The following SDHAF3 variants were observed in gnomAD, a reference collection of about 807,000 sequenced individuals.
The protein encoded by SDHAF3 is succinate dehydrogenase assembly factor 3, mitochondrial.
A neutral mutation model predicts 11.5 loss-of-function variants in SDHAF3; 18 were observed. That is an observed-to-expected ratio of 1.56 (90% CI 1.08 to 2.32). The LOEUF (loss-of-function observed/expected upper bound fraction) is 2.32. SDHAF3 is among the 30% of genes most tolerant of loss of function. SDHAF3 has a pLI of 0.00. For missense variants in SDHAF3, 200 were observed against 154.4 expected, an observed-to-expected ratio of 1.30 and a Z score of -1.57; for synonymous variants, 72 against 59.3, an observed-to-expected ratio of 1.21 and a Z score of -0.99.
At chr7:97,138,896 C>A (rs1481424553) in intron 1 of SDHAF3, among the ~76,000 whole-genome samples, 1 of 152,210 alleles carries the variant, frequency 6.6e-6, no homozygotes, top group Non-Finnish European at 1.5e-5. Flanking sequence ...GGCGCCTACC[C>A]ACTAGGTCCA....
intron 1 of SDHAF3, among the ~76,000 whole-genome samples, chr7:97,169,444 A>C (rs1479083313): frequency 1.3e-5 from 2 of 152,180 alleles, no homozygotes; most frequent in Non-Finnish European, 2.9e-5. Flanking sequence ...AACTCACTTG[A>C]TGTTATAATA....
intron 1 of SDHAF3, among the ~76,000 whole-genome samples, chr7:97,140,539 A>G (rs1789017567): frequency 6.6e-6 from 1 of 152,100 alleles, no homozygotes. Context: ...AAGCCATATC[A>G]GAAGAACATA....
chr7:97,140,343 ATT>A (rs67929691), intron 1 of SDHAF3, among the ~76,000 whole-genome samples: 4 of 112,446 alleles, frequency 3.6e-5, no homozygotes, highest in African/African-American at 6.9e-5. Context: ...TTTTGGTAGT[ATT>A]TTTTTTTTTT....
chr7:97,140,027 C>T (rs62499466), intron 1 of SDHAF3, among the ~76,000 whole-genome samples: 21,703 of 152,124 alleles, frequency 0.14, 1,813 homozygotes, highest in South Asian at 0.18. Context: ...CTCTCTTTAA[C>T]GTGACATTAA....
chr7:97,128,121 C>T (rs1215087450), intron 1 of SDHAF3, among the ~76,000 whole-genome samples: 1 of 151,984 alleles, frequency 6.6e-6, no homozygotes, highest in Non-Finnish European at 1.5e-5. Context: ...TGGTCTCAAA[C>T]TCCTGACACC....
intron 1 of SDHAF3, among the ~76,000 whole-genome samples, chr7:97,137,342 C>A (rs933139371): frequency 2.0e-5 from 3 of 152,096 alleles, no homozygotes; most frequent in Admixed American, 6.6e-5. Flanking sequence ...ATAAATCAGG[C>A]CAGCTATATT....
intron 1 of SDHAF3, among the ~76,000 whole-genome samples, chr7:97,120,934 C>T (rs1443829828): frequency 1.3e-5 from 2 of 152,092 alleles, no homozygotes; most frequent in African/African-American, 2.4e-5. Flanking sequence ...AGTTTTTGTT[C>T]AGGGACCAAG....
chr7:97,132,549 G>T (rs1443443961), intron 1 of SDHAF3, among the ~76,000 whole-genome samples: 1 of 152,058 alleles, frequency 6.6e-6, no homozygotes, highest in East Asian at 1.9e-4. Flanking sequence ...ATTTCTTACA[G>T]ATCATACTTA....
At position 97,117,810 on chromosome 7, in the gene SDHAF3, C is replaced by T; in HGVS notation, c.87C>T (p.Ser29=). 2.5e-6 allele frequency: 4 copies of T among 1,614,244 alleles called. No homozygotes were observed. Among genetic ancestry groups the T allele is most frequent in the Non-Finnish European group, 3.4e-6 (4 of 1,180,036 alleles). Reference sequence around the variant, plus strand: ...GTGTTCTGCCCCCGGACCTCAAATCCCTGGGCGACCAGTACGTGAAAGACG... The same window carrying T: ...GTGTTCTGCCCCCGGACCTCAAATCTCTGGGCGACCAGTACGTGAAAGACG... The part of the protein sequence containing the change: ...LHRVLPPDLK[S]LGDQYVKDEF... Residue 29 remains serine, a synonymous_variant, in exon 1 of 2, where the codon TCC becomes TCT. Coordinates refer to ENST00000432641, the MANE Select transcript of SDHAF3 (RefSeq NM_020186.3).
intron 1 of SDHAF3, among the ~76,000 whole-genome samples, chr7:97,140,421 C>T (rs1040895965): frequency 6.9e-6 from 1 of 145,374 alleles, no homozygotes; most frequent in Non-Finnish European, 1.5e-5. Flanking sequence ...TCTTGGCTCA[C>T]TGCAAGCTCC....
At chr7:97,120,640 G>A (rs868794892) in intron 1 of SDHAF3, among the ~76,000 whole-genome samples, 4 of 151,946 alleles carry the variant, frequency 2.6e-5, no homozygotes, top group Non-Finnish European at 5.9e-5. Flanking sequence ...TAATGGTTAC[G>A]TTTACATCAA....
intron 1 of SDHAF3, among the ~76,000 whole-genome samples, chr7:97,159,199 G>T (rs1414607187): frequency 2.0e-5 from 3 of 152,156 alleles, no homozygotes; most frequent in African/African-American, 4.8e-5. Flanking sequence ...TGTATGTCTT[G>T]TTCTTAAAAC....
chr7:97,151,152 T>G (rs1037312133), intron 1 of SDHAF3, among the ~76,000 whole-genome samples: 1 of 152,092 alleles, frequency 6.6e-6, no homozygotes, highest in Non-Finnish European at 1.5e-5. Flanking sequence ...ACGGGAACTT[T>G]TACTGCACAC....
chr7:97,172,679 TTAAA>T (rs1268719063), intron 1 of SDHAF3, among the ~76,000 whole-genome samples: 1 of 152,238 alleles, frequency 6.6e-6, no homozygotes, highest in Non-Finnish European at 1.5e-5. Context: ...AAGTGAATTA[TTAAA>T]TAAAGGTTCA....
chr7:97,179,843 GA>G (rs1210143926), intron 1 of SDHAF3, among the ~76,000 whole-genome samples: 6 of 152,102 alleles, frequency 3.9e-5, no homozygotes, highest in South Asian at 2.1e-4. Context: ...GTAAATCATG[GA>G]AAAAATATTT....
In SDHAF3 at chr7:97,163,168, C is replaced by CTTTTTTTTTTTTTTTTTT. The variant is rs58956333; in HGVS notation, c.175-17842_175-17825dup. ...TTTTGACCTTTGTTGGTTTAAAGTC[C>CTTTTTTTTTTTTTTTTTT]TTTTTTTTTTTTTTTTTTTAATTTT... On this transcript the variant is annotated intron_variant, in intron 1 of 1. Coordinates refer to ENST00000432641, the MANE Select transcript of SDHAF3 (RefSeq NM_020186.3). 5.6e-5 allele frequency among the ~76,000 whole-genome samples: 7 copies of CTTTTTTTTTTTTTTTTTT among 125,030 alleles called. 1 individual carries two copies. The highest frequency in any genetic ancestry group is 2.6e-4 in the South Asian group (1 of 3,920). 82.0% of individuals were successfully genotyped at this position (125,030 alleles called of 152,430 possible).
chr7:97,167,359 G>A (rs1015174614), intron 1 of SDHAF3, among the ~76,000 whole-genome samples: 1 of 152,048 alleles, frequency 6.6e-6, no homozygotes, highest in Non-Finnish European at 1.5e-5. Context: ...ATTTCCTGAG[G>A]CCTCCCAGTC....
chr7:97,168,005 G>A (rs577594712), intron 1 of SDHAF3, among the ~76,000 whole-genome samples: 1 of 152,196 alleles, frequency 6.6e-6, no homozygotes, highest in Non-Finnish European at 1.5e-5. Context: ...GCACTGGGGG[G>A]AATGGGGTAG....
chr7:97,120,518 T>C (rs1420636123), intron 1 of SDHAF3, among the ~76,000 whole-genome samples: 1 of 152,056 alleles, frequency 6.6e-6, no homozygotes, highest in African/African-American at 2.4e-5. Context: ...TCAAAATATC[T>C]AATTTATGAT....
Sources: gnomAD v4.1 joint callset for allele counts (sites outside exome capture counted in the v4.1 genomes callset) on GRCh38, gnomAD v4.1.1 for gene constraint, MANE v1.5 for transcripts, NCBI Gene and HGNC (gene_info 2026-07-23, HGNC 2026-07-21) for gene names.